Variants in CCDC171 observed in about 807,000 individuals in gnomAD.
The protein encoded by CCDC171 is coiled-coil domain-containing protein 171.
CCDC171 carries 177 observed loss-of-function variants against 168.2 expected under a neutral mutation model. The ratio of observed to expected loss-of-function variants is 1.05; its 90% CI spans 0.93 to 1.19. The LOEUF is 1.19. Among genes scored for constraint, CCDC171 ranks in the 50% most tolerant of loss-of-function variants. The pLI is 0.00. For synonymous variants in CCDC171, 687 were observed against 540.8 expected (o/e 1.27, Z -3.75); for missense variants, 1,991 against 1,539.0 (o/e 1.29, Z -4.91).
chr9:15,985,082 A>C (rs963333323), intron 3 of CCDC171, among the ~76,000 whole-genome samples: 3 of 152,168 alleles, frequency 2.0e-5, no homozygotes, highest in Non-Finnish European at 2.9e-5. Flanking sequence ...AAATTTCTAA[A>C]TTTCCTACAA....
the CCDC171 span, among the ~76,000 whole-genome samples, chr9:16,096,747 G>C: frequency 3.3e-5 from 5 of 152,126 alleles, no homozygotes; most frequent in Non-Finnish European, 4.4e-5. Flanking sequence ...ATCCACTTGG[G>C]GCTAGAGGTA....
Position 15,558,927 on chromosome 9 carries a change from GT to G in CCDC171, c.-111-5049del, listed in dbSNP as rs56875145. 6.5e-3 allele frequency among the ~76,000 whole-genome samples: 983 copies of G among 152,194 alleles called. 10 individuals carry two copies. Among genetic ancestry groups the G allele is most frequent in the African/African-American group, 0.023 (941 of 41,542 alleles). On this transcript the variant is annotated intron_variant, in intron 1 of 25. Coordinates refer to ENST00000380701, the MANE Select transcript of CCDC171 (RefSeq NM_173550.4). The stretch of plus-strand genomic sequence containing the variant: ...GAATGTGTCCCAGAGATTCTGGTAT[GT>G]TGTGTCTTTGTTCTCATTGGTTTCA...
chr9:15,590,833 C>CTTTCTTTCTTTCT (rs1554693022), intron 4 of CCDC171, among the ~76,000 whole-genome samples: 9 of 88,640 alleles, frequency 1.0e-4, no homozygotes, highest in Non-Finnish European at 1.9e-4. Flanking sequence ...TTCTTTCTTT[C>CTTTCTTTCTTTCT]TTCTTCTTTC....
chr9:15,846,709 C>G lies in CCDC171; in HGVS notation c.3275C>G (p.Ser1092Cys). 10 of 1,612,792 alleles carry G rather than the reference C, an allele frequency of 6.2e-6. No individual in the cohort carries two copies. The highest frequency in any genetic ancestry group is 8.5e-6 in the Non-Finnish European group (10 of 1,179,302). Residue 1092 changes from serine to cysteine, a missense_variant, in exon 22 of 26, where the codon TCC (serine) becomes TGC (cysteine). By Grantham distance (112) the Ser-to-Cys change is moderately radical. Coordinates refer to ENST00000380701, the MANE Select transcript of CCDC171 (RefSeq NM_173550.4). ...QTLGEAVKSL[S>C]EAKMELRRKD... is the part of the protein sequence containing the mutation. ...TTTTCTGTCTGCTTGCAGAGTCTCTCCGAGGCAAAGATGGAGCTGAGAAGA... is the reference window on the plus strand; with the variant it reads ...TTTTCTGTCTGCTTGCAGAGTCTCTGCGAGGCAAAGATGGAGCTGAGAAGA...
intron 7 of CCDC171, 62 bp downstream of exon 7, chr9:15,623,475 G>GCGCGCGCGCGCGCGCGCGCGCGCA: frequency 1.6e-5 from 5 of 315,440 alleles, no homozygotes; most frequent in Non-Finnish European, 5.8e-6. Flanking sequence ...GCGCGCGCGC[G>GCGCGCGCGCGCGCGCGCGCGCGCA]CACACACACA....
At chr9:15,938,608 A>G (rs1827365039) in intron 25 of CCDC171, among the ~76,000 whole-genome samples, 1 of 151,844 alleles carries the variant, frequency 6.6e-6, no homozygotes. Flanking sequence ...ACTGGTTTGA[A>G]GTTTGGATAT....
chr9:16,103,839 G>T, the CCDC171 span, among the ~76,000 whole-genome samples: 37 of 152,338 alleles, frequency 2.4e-4, no homozygotes, highest in South Asian at 8.3e-4. Context: ...ACTCCGGGGG[G>T]GCTGGGGGAG....
At chr9:15,610,247 C>G (rs981368667) in intron 6 of CCDC171, among the ~76,000 whole-genome samples, 4 of 150,020 alleles carry the variant, frequency 2.7e-5, no homozygotes, top group Non-Finnish European at 5.9e-5. Context: ...GTTTTTGAGA[C>G]TGGATCTTGC....
At chr9:16,082,347 C>G in the CCDC171 span, among the ~76,000 whole-genome samples, 1 of 152,208 alleles carries the variant, frequency 6.6e-6, no homozygotes, top group Non-Finnish European at 1.5e-5. Flanking sequence ...GATGCAGAAT[C>G]AATTCATGGC....
chr9:15,571,916 G>A (rs566018825), intron 3 of CCDC171, among the ~76,000 whole-genome samples, 157 bp downstream of exon 3: 39 of 152,252 alleles, frequency 2.6e-4, no homozygotes, highest in Non-Finnish European at 4.7e-4. Context: ...AAAATGTAGT[G>A]TAATTGCATA....
At chr9:15,663,013 CA>C (rs2048442154) in intron 8 of CCDC171, among the ~76,000 whole-genome samples, 1 of 147,538 alleles carries the variant, frequency 6.8e-6, no homozygotes. Flanking sequence ...ACAACAACAA[CA>C]ACAACAACAA....
At chr9:16,067,303 G>T in the CCDC171 span, among the ~76,000 whole-genome samples, 1 of 151,882 alleles carries the variant, frequency 6.6e-6, no homozygotes, top group African/African-American at 2.4e-5. Flanking sequence ...ACTTTTTGAT[G>T]GGGTTGTTTG....
intron 2 of CCDC171, among the ~76,000 whole-genome samples, chr9:15,565,474 G>T (rs2039658613): frequency 2.0e-5 from 3 of 152,090 alleles, no homozygotes; most frequent in Non-Finnish European, 1.5e-5. Context: ...ACGCACCATT[G>T]CTCCGGCTTG....
chr9:15,569,219 C>T (rs1434105780), intron 2 of CCDC171, among the ~76,000 whole-genome samples: 1 of 152,054 alleles, frequency 6.6e-6, no homozygotes, highest in Non-Finnish European at 1.5e-5. Flanking sequence ...TAATAGTTTC[C>T]TCCCATTCAG....
chr9:15,840,267 T>A (rs1239450603), intron 21 of CCDC171, among the ~76,000 whole-genome samples: 1 of 152,170 alleles, frequency 6.6e-6, no homozygotes, highest in Admixed American at 6.5e-5. Context: ...TTTTTCAAAT[T>A]CTTTTCAGAC....
At chr9:15,613,677 C>G (rs1399394489) in intron 6 of CCDC171, among the ~76,000 whole-genome samples, 1 of 152,072 alleles carries the variant, frequency 6.6e-6, no homozygotes, top group Non-Finnish European at 1.5e-5. Flanking sequence ...CATGCGCCAC[C>G]ATGCCCGGCT....
chr9:15,842,917 A>C (rs1255541196), intron 21 of CCDC171, among the ~76,000 whole-genome samples: 1 of 151,912 alleles, frequency 6.6e-6, no homozygotes, highest in African/African-American at 2.4e-5. Flanking sequence ...TTCAGGAACT[A>C]TGGATAAGAA....
chr9:15,947,915 G>A lies in CCDC171; in HGVS notation c.3754-23694G>A, dbSNP rs191523023. On this transcript the variant is annotated intron_variant, in intron 25 of 25. Transcript: ENST00000380701. The stretch of plus-strand genomic sequence containing the variant: ...ATGTATACATGTGCCATGCTGGTGC[G>A]CTGCACCCACTAACTCATCATCTAG... Among the ~76,000 whole-genome samples the A allele has an allele frequency of 3.6e-4, 54 of 151,616 alleles. 2 individuals are homozygous for A. Among genetic ancestry groups the A allele is most frequent in the East Asian group, 2.6e-3 (13 of 5,038 alleles).
At chr9:15,789,867 C>T (rs78459860) in intron 21 of CCDC171, among the ~76,000 whole-genome samples, 55,520 of 150,928 alleles carry the variant, frequency 0.37, 12,580 homozygotes, top group East Asian at 0.65. Flanking sequence ...TTTTTTGTCC[C>T]TGCAATAGTT....
Sources: allele counts gnomAD v4.1 joint callset (sites outside exome capture counted in the v4.1 genomes callset), GRCh38; gene constraint gnomAD v4.1.1; transcripts MANE v1.5; gene names NCBI Gene and HGNC (gene_info 2026-07-23, HGNC 2026-07-21).